LGI2: variants seen among roughly 807,000 people sequenced by gnomAD.
The protein encoded by LGI2 is leucine rich repeat LGI family member 2, also known as leucine-rich repeat LGI family member 2.
In LGI2, 30 loss-of-function variants were observed where a neutral mutation model predicts 52.0. That is an observed-to-expected ratio of 0.58 (90% confidence interval 0.43 to 0.78). The LOEUF is 0.78. Among genes scored for constraint, LGI2 ranks in the 30% least tolerant of loss-of-function variants. The pLI is 0.00. For synonymous variants in LGI2, 270 were observed against 271.8 expected, an observed-to-expected ratio of 0.99 and a Z score of 0.06; for missense variants, 573 against 692.5, an observed-to-expected ratio of 0.83 and a Z score of 1.94.
In LGI2 at chr4:25,030,913, G is replaced by GGCC. The variant is rs1207393028; in HGVS notation, c.-223_-221dup. The stretch of plus-strand genomic sequence containing the variant: ...CCCACCCGAGCCCGGGCTGCTGGGC[G>GGCC]GCCGCCGCCGCTGCGCCCGCCGCAC... On this transcript the variant is annotated 5_prime_UTR_variant, in exon 1 of 8. Transcript: ENST00000382114. 3 of 159,626 alleles carry GGCC rather than the reference G, an allele frequency of 1.9e-5. No homozygotes were observed. The highest frequency in any genetic ancestry group is 4.8e-5 in the African/African-American group (2 of 41,374). The allele number at this position is 159,626 out of a possible 1,614,324, so 9.9% of individuals were successfully genotyped here. A position where few individuals can be genotyped will look rare whatever the true frequency, so the allele number is the denominator to read the frequency against.
downstream of LGI2, among the ~76,000 whole-genome samples, chr4:24,998,611 C>G (rs1188412442): frequency 5.3e-5 from 8 of 152,048 alleles, no homozygotes; most frequent in South Asian, 1.2e-3. Flanking sequence ...GATTATAATT[C>G]CACAGATCAG....
Position 25,004,087 on chromosome 4 carries a change from G to A in LGI2, c.1002C>T (p.Ile334=), listed in dbSNP as rs191824666. Residue 334 remains isoleucine, a synonymous_variant, in exon 8 of 8, where the codon ATC becomes ATT. Transcript: ENST00000382114. The surrounding 1 kb of genome is among the most constrained non-coding windows in gnomAD (Gnocchi z 4.6). ...CGATGACAAAGAACGTCTCGTCGTC[G>A]ATCTGAAACAGCTCGATGTCATTGG... is the stretch of plus-strand genomic sequence containing the variant. ...SKPNDIELFQ[I]DDETFFVIAD... is the part of the protein sequence containing the mutation. The A allele has an allele frequency of 9.0e-5, 145 of 1,614,158 alleles. No individual in the cohort carries two copies. The Admixed American group carries it at 2.3e-3, about 26-fold the overall frequency.
At chr4:25,017,674 T>C (rs1332233449) in intron 6 of LGI2, among the ~76,000 whole-genome samples, 2 of 151,472 alleles carry the variant, frequency 1.3e-5, no homozygotes, top group Non-Finnish European at 2.9e-5. Context: ...CTATGAAACC[T>C]AGATTGATTT....
chr4:25,022,349 G>A (rs1202573530), intron 4 of LGI2, among the ~76,000 whole-genome samples: 1 of 152,238 alleles, frequency 6.6e-6, no homozygotes, highest in Admixed American at 6.5e-5. Context: ...GGGAAAGGAT[G>A]TGAGGAAAAG....
At position 25,024,950 on chromosome 4, in the gene LGI2, C is replaced by G. The variant is rs375611377; in HGVS notation, c.342-59G>C. On this transcript the variant is annotated intron_variant, in intron 3 of 7. Transcript: ENST00000382114. ...TTCTCTCCTTAGTATCCCAAAAAAA[C>G]TATGTTGGTAAGCTTTCAGAATAAA... The G allele has an allele frequency of 9.6e-4, 1,076 of 1,117,170 alleles. 1 individual carries two copies. The highest frequency in any genetic ancestry group is 1.3e-3 in the Non-Finnish European group (992 of 765,450). 69.2% of individuals were successfully genotyped at this position (1,117,170 alleles called of 1,614,324 possible).
intron 7 of LGI2, 117 bp downstream of exon 7, chr4:25,012,218 A>G (rs1176451479): frequency 2.7e-6 from 3 of 1,129,808 alleles, no homozygotes; most frequent in Admixed American, 4.2e-5. Context: ...CGTGTTCCCC[A>G]GCTCTAACCA....
In LGI2 at chr4:25,003,749, C is replaced by T; in HGVS notation, c.1340G>A (p.Arg447Lys). 1 of 1,614,192 alleles carries T rather than the reference C, an allele frequency of 6.2e-7. No individual in the cohort carries two copies. Among genetic ancestry groups the T allele is most frequent in the Non-Finnish European group, 8.5e-7 (1 of 1,180,048 alleles). Residue 447 changes from arginine (R) to lysine (K), a missense_variant, in exon 8 of 8, where the codon AGG (arginine) becomes AAG (lysine). Physicochemically the swap from Arg to Lys is conservative, Grantham distance 26 (BLOSUM62 2). Transcript: ENST00000382114. ...TRFIGDSRVM[R>K]WNSKQFVEIQ... ...CTCCACAAACTGCTTACTGTTCCAC[C>T]TCATGACCCGGGAGTCCCCGATGAA...
Position 25,026,915 on chromosome 4 carries a change from C to T in LGI2, c.294G>A (p.Thr98=), listed in dbSNP as rs371174844. Residue 98 remains threonine (T), a synonymous_variant, in exon 3 of 8, where the codon ACG becomes ACA. Transcript: ENST00000382114. The part of the protein sequence containing the change: ...QLLLLNSNSF[T]IIRDDAFAGL... ...CAGCAAAAGCATCATCCCGGATGAT[C>T]GTGAATGAGTTAGAATTCAGCAATC... The T allele has an allele frequency of 5.0e-6, 8 of 1,613,506 alleles. No individual in the cohort carries two copies. In the African/African-American group the frequency reaches 5.3e-5, roughly 11 times the overall value.
chr4:24,994,438 C>A (rs990918115), downstream of LGI2, among the ~76,000 whole-genome samples: 2 of 152,064 alleles, frequency 1.3e-5, no homozygotes, highest in Admixed American at 1.3e-4. Context: ...GGAGGGAGTC[C>A]GGGAGCACAG....
chr4:25,014,976 GC>G lies in LGI2; in HGVS notation c.656-2478del, dbSNP rs1725715532. Among the ~76,000 whole-genome samples the G allele has an allele frequency of 8.6e-5, 13 of 151,972 alleles. No individual in the cohort carries two copies. In the South Asian group the frequency reaches 2.7e-3, roughly 32 times the overall value. ...CAATTAAATTTACTTCTCACAAACAGCAAAAGCACATTCTTGTGGAAAGATC... is the reference window on the plus strand; with the variant it reads ...CAATTAAATTTACTTCTCACAAACAGAAAAGCACATTCTTGTGGAAAGATC... On this transcript the variant is annotated intron_variant, in intron 6 of 7. Transcript: ENST00000382114.
At chr4:25,011,127 G>T (rs554520789) in intron 7 of LGI2, among the ~76,000 whole-genome samples, 1 of 151,548 alleles carries the variant, frequency 6.6e-6, no homozygotes, top group South Asian at 2.1e-4. Flanking sequence ...AAACAGCAAA[G>T]CTTCACTCTG....
At chr4:25,025,067 T>C (rs1726100949) in intron 3 of LGI2, among the ~76,000 whole-genome samples, 176 bp from the exon 4 acceptor site, 1 of 152,122 alleles carries the variant, frequency 6.6e-6, no homozygotes, top group Admixed American at 6.5e-5. Flanking sequence ...TATGCAAAAA[T>C]GCGTGCACGG....
intron 6 of LGI2, among the ~76,000 whole-genome samples, chr4:25,016,718 A>C (rs1725774038): frequency 6.6e-6 from 1 of 152,138 alleles, no homozygotes; most frequent in African/African-American, 2.4e-5. Flanking sequence ...GTTTTTGTTT[A>C]TTTGTTGGAA....
At chr4:25,025,329 A>G (rs955249077) in intron 3 of LGI2, among the ~76,000 whole-genome samples, 1 of 152,096 alleles carries the variant, frequency 6.6e-6, no homozygotes, top group East Asian at 1.9e-4. Flanking sequence ...CTTGTTTTAC[A>G]TCTCCACATT....
downstream of LGI2, among the ~76,000 whole-genome samples, chr4:24,996,065 G>A (rs537283379): frequency 9.2e-5 from 14 of 152,222 alleles, no homozygotes; most frequent in South Asian, 4.2e-4. Context: ...CAGAGGCAGC[G>A]TTTGGATGGT....
chr4:25,030,482 AG>A lies in LGI2; in HGVS notation c.197+14del, dbSNP rs776759772. On this transcript the variant is annotated intron_variant, in intron 1 of 7. Coordinates refer to ENST00000382114, the MANE Select transcript of LGI2 (RefSeq NM_018176.4). ...TGGGGCGGGACGGGATGGGGGCTGG[AG>A]GGGTCCCACTCACAGGGAGCTGATG... is the stretch of plus-strand genomic sequence containing the variant. The A allele has an allele frequency of 6.4e-7, 1 of 1,573,910 alleles. No individual in the cohort carries two copies. The highest frequency in any genetic ancestry group is 1.2e-5 in the South Asian group (1 of 85,652).
chr4:25,023,767 C>T (rs6843764), intron 4 of LGI2, among the ~76,000 whole-genome samples: 74,854 of 151,994 alleles, frequency 0.49, 19,112 homozygotes, highest in East Asian at 0.91. Flanking sequence ...ATCTATCATG[C>T]AAATGGGACC....
Position 24,999,944 on chromosome 4 carries a change from C to T in LGI2, c.*3507G>A, listed in dbSNP as rs777510534. 2.2e-6 allele frequency: 1 copy of T among 445,964 alleles called. No individual in the cohort carries two copies. The highest frequency in any genetic ancestry group is 2.4e-5 in the Admixed American group (1 of 41,976). 27.6% of individuals were successfully genotyped at this position (445,964 alleles called of 1,614,324 possible). On this transcript the variant is annotated 3_prime_UTR_variant, in exon 8 of 8. Transcript: ENST00000382114. ...GTGACAAGAACCAGATGTGTCTCAA[C>T]CTCAACATCCTCCCCATAGCTATGC...
At chr4:25,021,948 A>C (rs4525958) in intron 4 of LGI2, among the ~76,000 whole-genome samples, 2,787 of 150,764 alleles carry the variant, frequency 0.018, 92 homozygotes, top group African/African-American at 0.064. Context: ...AAAAAAAAAA[A>C]ACAAAGCCAC....
Sources: gnomAD v4.1 joint callset for allele counts (sites outside exome capture counted in the v4.1 genomes callset) on GRCh38, gnomAD v4.1.1 for gene constraint, Gnocchi (gnomAD v3.1) non-coding constraint, MANE v1.5 for transcripts, NCBI Gene and HGNC (gene_info 2026-07-23, HGNC 2026-07-21) for gene names.